The following APBB1 variants were observed in gnomAD, a reference collection of about 807,000 sequenced individuals.
APBB1 encodes the protein amyloid beta precursor protein binding family B member 1, also known as adaptor protein FE65a2.
APBB1 carries 22 observed loss-of-function variants against 78.4 expected under a neutral mutation model. The observed-to-expected ratio is 0.28, with a 90% CI of 0.20 to 0.40. APBB1 has a LOEUF of 0.40. Among genes scored for constraint, APBB1 ranks in the 10% least tolerant of loss-of-function variants. The pLI is 1.00. For synonymous variants in APBB1, 369 were observed against 372.7 expected (o/e 0.99, Z 0.12); for missense variants, 749 against 932.4 (o/e 0.80, Z 2.56).
At position 6,395,822 on chromosome 11, in the gene APBB1, A is replaced by C. The variant is rs778716941; in HGVS notation, c.1929T>G (p.Ala643=). The C allele has an allele frequency of 6.2e-7, 1 of 1,614,158 alleles. No individual in the cohort carries two copies. Among genetic ancestry groups the C allele is most frequent in the Admixed American group, 1.7e-5 (1 of 60,020 alleles). ...CCHMFWCEPN[A]ASLSEAVQAA... Reference sequence around the variant, plus strand: ...CCTGCACAGCCTCTGAGAGGCTGGCAGCATTGGGCTCGCACCAGAACATGT... The same window carrying C: ...CCTGCACAGCCTCTGAGAGGCTGGCCGCATTGGGCTCGCACCAGAACATGT... The change falls in exon 14 of 15, where the codon GCT becomes GCG. Residue 643 remains alanine, a synonymous_variant. Transcript: ENST00000609360. This position sits in a 1 kb window ranked among gnomAD's most constrained non-coding sequence, Gnocchi z 5.2.
rs996381742 is a variant in APBB1 at position 6,405,182 on chromosome 11, C to G, written c.722-1360G>C. ...CTTAGGGATACCAGGAGACTCAGCCCCTAAGGAATACCCCAGCTGCCTGGG... is the reference window on the plus strand; with the variant it reads ...CTTAGGGATACCAGGAGACTCAGCCGCTAAGGAATACCCCAGCTGCCTGGG... On this transcript the variant is annotated intron_variant, in intron 2 of 14. Transcript: ENST00000609360. 1.5e-5 allele frequency: 17 copies of G among 1,144,026 alleles called. No homozygotes were observed. In the Admixed American group the frequency reaches 3.1e-4, roughly 21 times the overall value. 70.9% of individuals were successfully genotyped at this position (1,144,026 alleles called of 1,614,324 possible).
intron 13 of APBB1, 25 bp downstream of exon 13, chr11:6,396,075 C>T (rs1259263235): frequency 6.3e-7 from 1 of 1,588,616 alleles, no homozygotes; most frequent in Admixed American, 1.8e-5. Context: ...AAGGCGCAGC[C>T]ACGACTTCTA....
chr11:6,395,718 G>C lies in APBB1; in HGVS notation c.1966-17C>G. The stretch of plus-strand genomic sequence containing the variant: ...GTAGCGAAGCTGCGGAGGCAAGCAG[G>C]GCAGTCACTCCCCAGCCTACCTCCC... On this transcript the variant is annotated splice_polypyrimidine_tract_variant and intron_variant, in intron 14 of 14. Coordinates refer to ENST00000609360, the MANE Select transcript of APBB1 (RefSeq NM_001164.5). The surrounding 1 kb of genome is among the most constrained non-coding windows in gnomAD (Gnocchi z 5.2). The C allele has an allele frequency of 6.3e-7, 1 of 1,593,090 alleles. No homozygotes were observed. Among genetic ancestry groups the C allele is most frequent in the Non-Finnish European group, 8.6e-7 (1 of 1,167,558 alleles).
chr11:6,395,274 T>A lies in APBB1; in HGVS notation c.*260A>T, dbSNP rs1848145640. The A allele has an allele frequency of 2.6e-6, 1 of 384,042 alleles. No individual in the cohort carries two copies. Among genetic ancestry groups the A allele is most frequent in the Non-Finnish European group, 4.7e-6 (1 of 214,992 alleles). 23.8% of individuals were successfully genotyped at this position (384,042 alleles called of 1,614,324 possible). Reference sequence around the variant, plus strand: ...GCCTGGCCTGGACCAGTTCCTCCTGTTCCACCTGAAACACATGGGGATGGA... The same window carrying A: ...GCCTGGCCTGGACCAGTTCCTCCTGATCCACCTGAAACACATGGGGATGGA... On this transcript the variant is annotated 3_prime_UTR_variant, in exon 15 of 15. Transcript: ENST00000609360. This position sits in a 1 kb window ranked among gnomAD's most constrained non-coding sequence, Gnocchi z 5.2.
In APBB1 at chr11:6,403,459, C is replaced by A; in HGVS notation, c.954+29G>T. 6.2e-7 allele frequency: 1 copy of A among 1,614,150 alleles called. No individual in the cohort carries two copies. The highest frequency in any genetic ancestry group is 8.5e-7 in the Non-Finnish European group (1 of 1,179,978). ...AAAATGATGCCCCTCCTCCAGCTAT[C>A]CCGTGGTAAAGCAGGTCCCCTTACC... On this transcript the variant is annotated intron_variant, in intron 4 of 14. Transcript: ENST00000609360. The surrounding 1 kb of genome is among the most constrained non-coding windows in gnomAD (Gnocchi z 5.3).
At chr11:6,417,646 G>GA (rs1008738077) in intron 1 of APBB1, among the ~76,000 whole-genome samples, 1 of 151,946 alleles carries the variant, frequency 6.6e-6, no homozygotes, top group Non-Finnish European at 1.5e-5. Flanking sequence ...AGTAGTCAAG[G>GA]AAAAAAAATG....
chr11:6,399,766 C>T (rs1195982640), intron 12 of APBB1, among the ~76,000 whole-genome samples: 1 of 152,202 alleles, frequency 6.6e-6, no homozygotes, highest in African/African-American at 2.4e-5. Context: ...ATTAACATAG[C>T]CCCTGAGGTC....
intron 2 of APBB1, chr11:6,405,676 G>T: frequency 1.0e-6 from 1 of 985,752 alleles, no homozygotes; most frequent in Non-Finnish European, 1.2e-6. Flanking sequence ...TGGGCCCACA[G>T]ACACCCAAAG....
At chr11:6,416,602 A>C (rs1417849088) in intron 1 of APBB1, among the ~76,000 whole-genome samples, 2 of 152,196 alleles carry the variant, frequency 1.3e-5, no homozygotes, top group East Asian at 1.9e-4. Flanking sequence ...GTAGGGGTAC[A>C]TCTTGACATG....
At chr11:6,404,134 TC>T (rs1261788227) in intron 2 of APBB1, 1 of 374,528 alleles carries the variant, frequency 2.7e-6, no homozygotes, top group Non-Finnish European at 4.8e-6. Flanking sequence ...TAACCTCCTT[TC>T]ATACATATCT....
chr11:6,395,225 C>A lies in APBB1; in HGVS notation c.*309G>T. The A allele has an allele frequency of 3.3e-6, 1 of 301,626 alleles. No homozygotes were observed. The highest frequency in any genetic ancestry group is 6.1e-6 in the Non-Finnish European group (1 of 162,668). The allele number at this position is 301,626 out of a possible 1,614,324, so 18.7% of individuals were successfully genotyped here. Reference sequence around the variant, plus strand: ...TGGACCAGTCCCTTCCTCCTTCTGCCCCTGCTGGGTCCAGGAGGATGAGGC... The same window carrying A: ...TGGACCAGTCCCTTCCTCCTTCTGCACCTGCTGGGTCCAGGAGGATGAGGC... On this transcript the variant is annotated 3_prime_UTR_variant, in exon 15 of 15. Transcript: ENST00000609360. The surrounding 1 kb of genome is among the most constrained non-coding windows in gnomAD (Gnocchi z 5.2).
intron 2 of APBB1, among the ~76,000 whole-genome samples, chr11:6,409,347 T>A (rs1848901607): frequency 6.6e-6 from 1 of 152,160 alleles, no homozygotes; most frequent in Non-Finnish European, 1.5e-5. Context: ...AATGCTGGGA[T>A]TACAGGTGTG....
intron 1 of APBB1, among the ~76,000 whole-genome samples, chr11:6,413,488 G>C (rs938612168): frequency 3.9e-5 from 6 of 152,138 alleles, no homozygotes; most frequent in African/African-American, 1.4e-4. Context: ...AGCTACCTGA[G>C]CAGGGCTTGC....
chr11:6,397,068 A>T (rs72896284), intron 12 of APBB1, among the ~76,000 whole-genome samples: 15,946 of 152,236 alleles, frequency 0.1, 958 homozygotes, highest in South Asian at 0.16. Context: ...GCTTGCACTC[A>T]GCAGAGCACC....
At chr11:6,413,878 G>A (rs889960299) in intron 1 of APBB1, among the ~76,000 whole-genome samples, 2 of 152,168 alleles carry the variant, frequency 1.3e-5, no homozygotes, top group Non-Finnish European at 2.9e-5. Context: ...CTCACGTGGG[G>A]CTGTTGATCT....
In APBB1 at chr11:6,411,526, C is replaced by T. The variant is rs538836476; in HGVS notation, c.-14-165G>A. Among the ~76,000 whole-genome samples the T allele has an allele frequency of 6.6e-6, 1 of 152,300 alleles. No homozygotes were observed. The highest frequency in any genetic ancestry group is 1.9e-4 in the East Asian group (1 of 5,196). On this transcript the variant is annotated intron_variant, in intron 1 of 14. Transcript: ENST00000609360. This position sits in a 1 kb window ranked among gnomAD's most constrained non-coding sequence, Gnocchi z 5.2. Reference sequence around the variant, plus strand: ...AGAATGACTGGGTTCAACTTCTGTCCCAGCACTATCATCCCCATCACAGTC... The same window carrying T: ...AGAATGACTGGGTTCAACTTCTGTCTCAGCACTATCATCCCCATCACAGTC...
chr11:6,404,850 A>C (rs1848727985), intron 2 of APBB1: 1 of 1,531,170 alleles, frequency 6.5e-7, no homozygotes, highest in Non-Finnish European at 8.7e-7. Context: ...CAGCCCCTCC[A>C]GCCCAGCCAG....
Position 6,401,460 on chromosome 11 carries a change from G to A in APBB1, c.1504-31C>T. 6.2e-7 allele frequency: 1 copy of A among 1,613,074 alleles called. No individual in the cohort carries two copies. Among genetic ancestry groups the A allele is most frequent in the Non-Finnish European group, 8.5e-7 (1 of 1,179,212 alleles). ...GAAGGAAGGGAGGCGAGGAGCCAGG[G>A]AGAATCTATTAGAGCCTCATTGCCC... On this transcript the variant is annotated intron_variant, in intron 10 of 14. Coordinates refer to ENST00000609360, the MANE Select transcript of APBB1 (RefSeq NM_001164.5). This position sits in a 1 kb window ranked among gnomAD's most constrained non-coding sequence, Gnocchi z 4.5.
intron 1 of APBB1, among the ~76,000 whole-genome samples, chr11:6,413,537 A>G (rs560749312): frequency 6.6e-6 from 1 of 151,998 alleles, no homozygotes; most frequent in South Asian, 2.1e-4. Context: ...CTGGAGTGCA[A>G]TGGCACGATC....
Sources: gnomAD v4.1 joint callset for allele counts (sites outside exome capture counted in the v4.1 genomes callset) on GRCh38, gnomAD v4.1.1 for gene constraint, Gnocchi (gnomAD v3.1) non-coding constraint, MANE v1.5 for transcripts, NCBI Gene and HGNC (gene_info 2026-07-23, HGNC 2026-07-21) for gene names.